The following GLS variants were observed in gnomAD, a reference collection of about 807,000 sequenced individuals.
GLS encodes glutaminase.
Under a neutral mutation model 86.7 loss-of-function variants are expected in GLS, and 36 were observed. That is an observed-to-expected ratio of 0.42 (90% CI 0.32 to 0.55). The LOEUF is 0.55. Among genes scored for constraint, GLS ranks in the 20% least tolerant of loss-of-function variants. The probability of loss-of-function intolerance (pLI) is 0.17; values close to 1 mark genes in which losing one functional copy is unlikely to be tolerated. For synonymous variants in GLS, 317 were observed against 305.9 expected (o/e 1.04, Z -0.38); for missense variants, 528 against 833.4 (o/e 0.63, Z 4.51).
chr2:190,895,333 G>A lies in GLS; in HGVS notation c.483+85G>A, dbSNP rs562892616. On this transcript the variant is annotated intron_variant, in intron 2 of 17. Coordinates refer to ENST00000320717, the MANE Select transcript of GLS (RefSeq NM_014905.5). The surrounding 1 kb of genome is among the most constrained non-coding windows in gnomAD (Gnocchi z 4.2). ...GTATTATTGAAATATAGTCTTAAAG[G>A]TCGTCTGACATGTAGATTCTGACTG... The A allele has an allele frequency of 1.6e-4, 95 of 607,258 alleles. No homozygotes were observed. The African/African-American group carries it at 1.6e-3, about 10-fold the overall frequency. The allele number at this position is 607,258 out of a possible 1,614,324, so 37.6% of individuals were successfully genotyped here.
intron 14 of GLS, chr2:190,934,180 G>T: frequency 3.1e-6 from 3 of 981,540 alleles, no homozygotes; most frequent in Non-Finnish European, 3.6e-6. Flanking sequence ...TGGTTTCTTA[G>T]CATGATGGTG....
chr2:190,899,439 C>T (rs577260562), intron 3 of GLS, among the ~76,000 whole-genome samples: 3 of 151,860 alleles, frequency 2.0e-5, no homozygotes, highest in Non-Finnish European at 4.4e-5. Flanking sequence ...ATTCTGAATT[C>T]TTATTAATAG....
intron 17 of GLS, among the ~76,000 whole-genome samples, chr2:190,957,856 G>A (rs1418576948): frequency 6.6e-6 from 1 of 152,186 alleles, no homozygotes; most frequent in Non-Finnish European, 1.5e-5. Context: ...AGGGATACTG[G>A]CCTGAAATTT....
At position 190,889,208 on chromosome 2, in the gene GLS, A is replaced by G. The variant is rs1688486029; in HGVS notation, c.387-5944A>G. Among the ~76,000 whole-genome samples the G allele has an allele frequency of 3.9e-5, 6 of 152,366 alleles. No homozygotes were observed. The South Asian group carries it at 1.2e-3, about 32-fold the overall frequency. ...GACCTAAACAAGTTCAGACAGTATT[A>G]GGACTTGTTTTGATTTTTTATTTTT... On this transcript the variant is annotated intron_variant, in intron 1 of 17. Coordinates refer to ENST00000320717, the MANE Select transcript of GLS (RefSeq NM_014905.5).
chr2:190,934,786 AT>A, intron 14 of GLS: 1 of 968,570 alleles, frequency 1.0e-6, no homozygotes, highest in Non-Finnish European at 1.2e-6. Context: ...ATACTTAAAA[AT>A]GAAGTACTGT....
At position 190,951,683 on chromosome 2, in the gene GLS, A is replaced by AC. The variant is rs1449781903; in HGVS notation, c.1651-1882_1651-1881insC. On this transcript the variant is annotated intron_variant, in intron 14 of 17. Transcript: ENST00000320717. This position sits in a 1 kb window ranked among gnomAD's most constrained non-coding sequence, Gnocchi z 4.2. ...TCCACTGGTATTAAAGGCCTGAAGA[A>AC]AGTATGGCGGGAACCAACAAGAAAA... is the stretch of plus-strand genomic sequence containing the variant. Among the ~76,000 whole-genome samples the AC allele has an allele frequency of 6.6e-6, 1 of 152,196 alleles. No homozygotes were observed. Among genetic ancestry groups the AC allele is most frequent in the Non-Finnish European group, 1.5e-5 (1 of 68,048 alleles).
chr2:190,922,744 T>G (rs559830396), intron 9 of GLS, among the ~76,000 whole-genome samples: 1 of 152,272 alleles, frequency 6.6e-6, no homozygotes, highest in South Asian at 2.1e-4. Context: ...TTTGAAATGT[T>G]AAAATGTGCA....
At chr2:190,899,671 A>G (rs1422200415) in intron 3 of GLS, among the ~76,000 whole-genome samples, 2 of 152,106 alleles carry the variant, frequency 1.3e-5, no homozygotes, top group Non-Finnish European at 2.9e-5. Flanking sequence ...CTATTACTGC[A>G]TTACAGAGAC....
rs1376158789 is a variant in GLS, at chr2:190,924,550, C to T, written c.1205C>T (p.Pro402Leu). The change falls in exon 11 of 18, where the codon CCA (proline) becomes CTA (leucine). Residue 402 changes from proline (P) to leucine (L), a missense_variant. Pro to Leu is a moderately conservative substitution (Grantham distance 98). Transcript: ENST00000320717. The surrounding 1 kb of genome is among the most constrained non-coding windows in gnomAD (Gnocchi z 5.2). ...CCTTTCTGGTTTTTTTAGTGTTTTCCAGAAGGCACAGACATGGTTGGTATA... is the reference window on the plus strand; with the variant it reads ...CCTTTCTGGTTTTTTTAGTGTTTTCTAGAAGGCACAGACATGGTTGGTATA... ...GYYLKEKKCF[P>L]EGTDMVGILD... 1.3e-6 allele frequency: 2 copies of T among 1,569,198 alleles called. No individual in the cohort carries two copies. The highest frequency in any genetic ancestry group is 1.4e-5 in the African/African-American group (1 of 73,960).
rs374443268 is a variant in GLS at position 190,935,769 on chromosome 2, A to T, written c.1650+4132A>T. 4.6e-5 allele frequency among the ~76,000 whole-genome samples: 7 copies of T among 151,400 alleles called. No homozygotes were observed. In the East Asian group the frequency reaches 1.2e-3, roughly 25 times the overall value. On this transcript the variant is annotated intron_variant, in intron 14 of 17. Coordinates refer to ENST00000320717, the MANE Select transcript of GLS (RefSeq NM_014905.5). The surrounding 1 kb of genome is among the most constrained non-coding windows in gnomAD (Gnocchi z 4.2). The stretch of plus-strand genomic sequence containing the variant: ...ATATTGCTTTAGAATAAAACTGTTA[A>T]TCTCAGTAGAATTTATATTAAACAG...
intron 3 of GLS, chr2:190,896,552 CTTTTG>C (rs1688748867): frequency 6.6e-6 from 1 of 152,086 alleles, no homozygotes; most frequent in African/African-American, 2.4e-5. Flanking sequence ...GTTGTATTTA[CTTTTG>C]TTTTATCTTC....
At position 190,954,857 on chromosome 2, in the gene GLS, T is replaced by G. The variant is rs760518240; in HGVS notation, c.1853+39T>G. On this transcript the variant is annotated intron_variant, in intron 17 of 17. Coordinates refer to ENST00000320717, the MANE Select transcript of GLS (RefSeq NM_014905.5). This position sits in a 1 kb window ranked among gnomAD's most constrained non-coding sequence, Gnocchi z 4.0. ...TTACCTTCTAAATATGTCAGTATTT[T>G]ATTATGCAGGACTGTAATATTCAAG... 7.7e-7 allele frequency: 1 copy of G among 1,294,992 alleles called. No individual in the cohort carries two copies. Among genetic ancestry groups the G allele is most frequent in the East Asian group, 2.3e-5 (1 of 43,452 alleles). The allele number at this position is 1,294,992 out of a possible 1,614,324, so 80.2% of individuals were successfully genotyped here.
At chr2:190,884,309 A>C (rs3771316) in intron 1 of GLS, among the ~76,000 whole-genome samples, 16,200 of 152,146 alleles carry the variant, frequency 0.11, 1,259 homozygotes, top group Admixed American at 0.26. Context: ...TCTGTTCTTA[A>C]ATTTGTCGCC....
intron 1 of GLS, among the ~76,000 whole-genome samples, chr2:190,890,608 T>G (rs1688528123): frequency 6.6e-6 from 1 of 152,222 alleles, no homozygotes; most frequent in Non-Finnish European, 1.5e-5. Flanking sequence ...AATTCAACTT[T>G]CTATCTAACA....
chr2:190,918,798 G>C (rs1347623700), intron 7 of GLS, among the ~76,000 whole-genome samples: 1 of 152,092 alleles, frequency 6.6e-6, no homozygotes. Flanking sequence ...GGCCATAGTA[G>C]GGTTATTAAT....
chr2:190,933,672 C>T (rs1019951802), intron 14 of GLS: 29 of 959,104 alleles, frequency 3.0e-5, no homozygotes, highest in Non-Finnish European at 2.6e-5. Flanking sequence ...TTCACCTAAA[C>T]AATTTTATTT....
At chr2:190,934,062 ACTTCTTC>A (rs1690193974) in intron 14 of GLS, 1 of 974,654 alleles carries the variant, frequency 1.0e-6, no homozygotes, top group African/African-American at 1.8e-5. Context: ...ACCTATTCAC[ACTTCTTC>A]CTTCTTCCAT....
chr2:190,916,690 G>A (rs778121176), intron 7 of GLS, among the ~76,000 whole-genome samples: 5 of 152,082 alleles, frequency 3.3e-5, no homozygotes, highest in Non-Finnish European at 7.4e-5. Context: ...ACATTCTTTA[G>A]TCAATGCAAT....
At chr2:190,894,055 T>C (rs1417405857) in intron 1 of GLS, among the ~76,000 whole-genome samples, 2 of 151,230 alleles carry the variant, frequency 1.3e-5, no homozygotes, top group African/African-American at 4.9e-5. Context: ...AGTGTTACAC[T>C]AGTTTAGTTA....
Sources: allele counts gnomAD v4.1 joint callset (sites outside exome capture counted in the v4.1 genomes callset), GRCh38; gene constraint gnomAD v4.1.1; non-coding constraint Gnocchi (gnomAD v3.1); transcripts MANE v1.5; gene names NCBI Gene and HGNC (gene_info 2026-07-23, HGNC 2026-07-21).